The following TRIM26 variants were observed in gnomAD, a reference collection of about 807,000 sequenced individuals.
TRIM26 encodes tripartite motif-containing protein 26.
A neutral mutation model predicts 45.5 loss-of-function variants in TRIM26; 16 were observed. The observed-to-expected ratio is 0.35, with a 90% CI of 0.24 to 0.53. The LOEUF (loss-of-function observed/expected upper bound fraction) is 0.53, where lower values mean the gene tolerates loss of function less well. TRIM26 is among the 20% of genes least tolerant of loss of function. The pLI is 0.92. For missense variants in TRIM26, 442 were observed against 691.1 expected (o/e 0.64, Z 4.04); for synonymous variants, 273 against 290.4 (o/e 0.94, Z 0.61).
At chr6:30,213,262 G>A (rs1463292103) in intron 1 of TRIM26, 43 bp downstream of exon 1, 1 of 152,390 alleles carries the variant, frequency 6.6e-6, no homozygotes, top group East Asian at 1.9e-4. Context: ...GAGCGTACGA[G>A]ACTGTTGCTT....
In TRIM26 at chr6:30,209,284, T is replaced by C. The variant is rs141791280; in HGVS notation, c.-376+4021A>G. ...CATCTCTGAAATGTGATCAATTGCA[T>C]GTCATAATTTAACTGGCAAAATATT... On this transcript the variant is annotated intron_variant, in intron 1 of 9. Transcript: ENST00000454678. This position sits in a 1 kb window ranked among gnomAD's most constrained non-coding sequence, Gnocchi z 4.8. Among the ~76,000 whole-genome samples the C allele has an allele frequency of 4.4e-3, 674 of 152,300 alleles. 2 individuals carry two copies. The highest frequency in any genetic ancestry group is 0.011 in the African/African-American group (475 of 41,538).
Position 30,190,263 on chromosome 6 carries a change from C to A in TRIM26, c.766-228G>T, listed in dbSNP as rs1775688666. On this transcript the variant is annotated intron_variant, in intron 6 of 9. Coordinates refer to ENST00000454678, the MANE Select transcript of TRIM26 (RefSeq NM_003449.5). The surrounding 1 kb of genome is among the most constrained non-coding windows in gnomAD (Gnocchi z 4.3). ...AATGGCTGGGAGATGACATGGGCAA[C>A]CTCTCTGGGAGATACCTGCGCAGAG... 1.6e-6 allele frequency: 1 copy of A among 607,414 alleles called. No homozygotes were observed. Among genetic ancestry groups the A allele is most frequent in the South Asian group, 2.0e-5 (1 of 50,512 alleles). 37.6% of individuals were successfully genotyped at this position (607,414 alleles called of 1,614,324 possible).
At chr6:30,194,217 T>C (rs1562202793) in intron 6 of TRIM26, among the ~76,000 whole-genome samples, 2 of 152,040 alleles carry the variant, frequency 1.3e-5, no homozygotes, top group South Asian at 2.1e-4. Flanking sequence ...ATAAAGAAAA[T>C]GTAGCATATA....
rs932719585 is a variant in TRIM26 at position 30,184,805 on chromosome 6, GTGA to G, written c.*1068_*1070del. 1.3e-5 allele frequency: 2 copies of G among 152,152 alleles called. No individual in the cohort carries two copies. The highest frequency in any genetic ancestry group is 4.9e-5 in the African/African-American group (2 of 40,736). The allele number at this position is 152,152 out of a possible 1,614,324, so 9.4% of individuals were successfully genotyped here. A position where few individuals can be genotyped will look rare whatever the true frequency, so the allele number is the denominator to read the frequency against. ...GGAGCAGGGGAGCTTGTGTTAAACT[GTGA>G]TGATGAGGGGCACCTGGACAGAGGT... On this transcript the variant is annotated 3_prime_UTR_variant, in exon 10 of 10. Transcript: ENST00000454678.
rs1384981273 is a variant in TRIM26 at position 30,196,824 on chromosome 6, T to G, written c.535-78A>C. 1.4e-6 allele frequency: 2 copies of G among 1,464,028 alleles called. No individual in the cohort carries two copies. The highest frequency in any genetic ancestry group is 4.7e-5 in the East Asian group (2 of 42,996). The allele number at this position is 1,464,028 out of a possible 1,614,324, so 90.7% of individuals were successfully genotyped here. ...GCCCAGTGCTGGAGGTGTGCAAGGC[T>G]GGCTCGTTCACCTCGCTACCCCCGT... On this transcript the variant is annotated intron_variant, in intron 5 of 9. Coordinates refer to ENST00000454678, the MANE Select transcript of TRIM26 (RefSeq NM_003449.5). The surrounding 1 kb of genome is among the most constrained non-coding windows in gnomAD (Gnocchi z 4.9).
intron 1 of TRIM26, among the ~76,000 whole-genome samples, chr6:30,211,594 C>G (rs970300101): frequency 2.0e-5 from 3 of 152,108 alleles, no homozygotes; most frequent in African/African-American, 7.2e-5. Flanking sequence ...TACCTCTTAA[C>G]AAGGGGAAAA....
At position 30,190,359 on chromosome 6, in the gene TRIM26, G is replaced by A. The variant is rs1322064188; in HGVS notation, c.766-324C>T. The A allele has an allele frequency of 8.6e-6, 4 of 462,572 alleles. No homozygotes were observed. The highest frequency in any genetic ancestry group is 1.6e-5 in the Non-Finnish European group (4 of 251,764). The allele number at this position is 462,572 out of a possible 1,614,324, so 28.7% of individuals were successfully genotyped here. On this transcript the variant is annotated intron_variant, in intron 6 of 9. Coordinates refer to ENST00000454678, the MANE Select transcript of TRIM26 (RefSeq NM_003449.5). This position sits in a 1 kb window ranked among gnomAD's most constrained non-coding sequence, Gnocchi z 4.3. ...AAACAGGAAAGGGCTTGGTGAGAACGGCAGAGGCCAGACTGCGCAGGGCTG... is the reference window on the plus strand; with the variant it reads ...AAACAGGAAAGGGCTTGGTGAGAACAGCAGAGGCCAGACTGCGCAGGGCTG...
intron 3 of TRIM26, among the ~76,000 whole-genome samples, chr6:30,200,150 C>G (rs566540049): frequency 6.6e-6 from 1 of 152,232 alleles, no homozygotes; most frequent in East Asian, 1.9e-4. Flanking sequence ...AGTGTAGTAG[C>G]ATGCATCTGT....
At chr6:30,199,724 C>A (rs567589820) in intron 3 of TRIM26, among the ~76,000 whole-genome samples, 24 of 151,970 alleles carry the variant, frequency 1.6e-4, no homozygotes, top group African/African-American at 5.3e-4. Flanking sequence ...GCAACCTCCG[C>A]CTCCCAGGTT....
intron 6 of TRIM26, among the ~76,000 whole-genome samples, chr6:30,192,360 T>C (rs1338494648): frequency 1.3e-5 from 2 of 152,152 alleles, no homozygotes; most frequent in African/African-American, 4.8e-5. Flanking sequence ...CTGCAGGGCC[T>C]GCCCGGGTTA....
rs1776815934 is a variant in TRIM26, at chr6:30,199,034, G to A, written c.70C>T (p.Arg24Trp). ...VTCSICLDYLRDPVTIDCGHV... is the reference protein window; with the variant it reads ...VTCSICLDYLWDPVTIDCGHV... ...CCACAGTCAATGGTCACAGGGTCCC[G>A]CAGGTAATCAAGACAGATGGAGCAG... is the stretch of plus-strand genomic sequence containing the variant. Residue 24 changes from arginine to tryptophan, a missense_variant, in exon 4 of 10, where the codon CGG becomes TGG. By Grantham distance (101) the Arg-to-Trp change is moderately radical. Coordinates refer to ENST00000454678, the MANE Select transcript of TRIM26 (RefSeq NM_003449.5). The A allele has an allele frequency of 1.9e-6, 3 of 1,607,288 alleles. No homozygotes were observed. The highest frequency in any genetic ancestry group is 2.6e-6 in the Non-Finnish European group (3 of 1,175,828).
intron 1 of TRIM26, among the ~76,000 whole-genome samples, chr6:30,212,915 C>CAAAAAA (rs3059548): frequency 1.5e-4 from 20 of 130,258 alleles, no homozygotes; most frequent in East Asian, 4.5e-4. Flanking sequence ...TTACTCCGAA[C>CAAAAAA]AAAAAAAAAA....
chr6:30,198,485 T>G lies in TRIM26; in HGVS notation c.478A>C (p.Arg160=), dbSNP rs755922349. The G allele has an allele frequency of 6.2e-7, 1 of 1,613,116 alleles. No homozygotes were observed. Among genetic ancestry groups the G allele is most frequent in the Non-Finnish European group, 8.5e-7 (1 of 1,180,036 alleles). The change falls in exon 5 of 10, where the codon AGA becomes CGA. Residue 160 remains arginine, a synonymous_variant. Transcript: ENST00000454678. This position sits in a 1 kb window ranked among gnomAD's most constrained non-coding sequence, Gnocchi z 6.3. ...GCCTGGAAGCCCTGAATTTTGTCTC[T>G]GTCCCTCCTTAGGGTACTCAGGTGG... The part of the protein sequence containing the change: ...LNHLSTLRRD[R]DKIQGFQAKG...
At position 30,196,466 on chromosome 6, in the gene TRIM26, G is replaced by A. The variant is rs778164766; in HGVS notation, c.765+50C>T. 14 of 1,568,846 alleles carry A rather than the reference G, an allele frequency of 8.9e-6. No individual in the cohort carries two copies. The highest frequency in any genetic ancestry group is 5.1e-5 in the Admixed American group (3 of 59,190). ...GGTCCTGCAAGTGAATGGCAGGGCT[G>A]GGACCCACCGTCCTGGTCCCTGGCG... is the stretch of plus-strand genomic sequence containing the variant. On this transcript the variant is annotated intron_variant, in intron 6 of 9. Coordinates refer to ENST00000454678, the MANE Select transcript of TRIM26 (RefSeq NM_003449.5). This position sits in a 1 kb window ranked among gnomAD's most constrained non-coding sequence, Gnocchi z 4.9.
intron 1 of TRIM26, among the ~76,000 whole-genome samples, chr6:30,208,213 T>C (rs1222676832): frequency 1.3e-5 from 2 of 152,216 alleles, no homozygotes; most frequent in Non-Finnish European, 2.9e-5. Flanking sequence ...CCACCTGCCC[T>C]TTCTCTCCAG....
chr6:30,211,396 T>C (rs1778272585), intron 1 of TRIM26, among the ~76,000 whole-genome samples: 1 of 152,154 alleles, frequency 6.6e-6, no homozygotes, highest in Non-Finnish European at 1.5e-5. Context: ...CTGTGTCTTT[T>C]CTATTCTGAT....
rs1357697233 is a variant in TRIM26, at chr6:30,205,382, G to T, written c.-375-617C>A. On this transcript the variant is annotated intron_variant, in intron 1 of 9. Coordinates refer to ENST00000454678, the MANE Select transcript of TRIM26 (RefSeq NM_003449.5). Reference sequence around the variant, plus strand: ...GACACTCCCTACCTTTCTCTAAGAGGTTCCCTTTTCCCTGAAATCCACCCC... The same window carrying T: ...GACACTCCCTACCTTTCTCTAAGAGTTTCCCTTTTCCCTGAAATCCACCCC... 2.6e-5 allele frequency among the ~76,000 whole-genome samples: 4 copies of T among 152,112 alleles called. No homozygotes were observed. The East Asian group carries it at 7.7e-4, about 29-fold the overall frequency.
chr6:30,202,615 A>T (rs1452586329), intron 2 of TRIM26, among the ~76,000 whole-genome samples: 2 of 152,252 alleles, frequency 1.3e-5, no homozygotes, highest in Non-Finnish European at 2.9e-5. Flanking sequence ...ATCACACAAC[A>T]TTACCTATGA....
Position 30,185,713 on chromosome 6 carries a change from G to T in TRIM26, c.*163C>A. On this transcript the variant is annotated 3_prime_UTR_variant, in exon 10 of 10. Coordinates refer to ENST00000454678, the MANE Select transcript of TRIM26 (RefSeq NM_003449.5). The surrounding 1 kb of genome is among the most constrained non-coding windows in gnomAD (Gnocchi z 5.7). Reference sequence around the variant, plus strand: ...GCAGTAGATGGAGCAACAGCACTGAGTGAGATTTCAGGGGGCCACAGCAAT... The same window carrying T: ...GCAGTAGATGGAGCAACAGCACTGATTGAGATTTCAGGGGGCCACAGCAAT... The T allele has an allele frequency of 2.6e-6, 2 of 760,806 alleles. No homozygotes were observed. Among genetic ancestry groups the T allele is most frequent in the Non-Finnish European group, 4.2e-6 (2 of 474,920 alleles). 47.1% of individuals were successfully genotyped at this position (760,806 alleles called of 1,614,324 possible). A position where few individuals can be genotyped will look rare whatever the true frequency, so the allele number is the denominator to read the frequency against.
Sources: allele counts gnomAD v4.1 joint callset (sites outside exome capture counted in the v4.1 genomes callset), GRCh38; gene constraint gnomAD v4.1.1; non-coding constraint Gnocchi (gnomAD v3.1); transcripts MANE v1.5; gene names NCBI Gene and HGNC (gene_info 2026-07-23, HGNC 2026-07-21).